The following MAPK8IP3 variants were observed in gnomAD, a reference collection of about 807,000 sequenced individuals.
The protein encoded by MAPK8IP3 is mitogen-activated protein kinase 8 interacting protein 3.
In MAPK8IP3, 49 loss-of-function variants were observed where a neutral mutation model predicts 157.8. That is an observed-to-expected ratio of 0.31 (90% confidence interval 0.25 to 0.39). The LOEUF is 0.39. Ranked by LOEUF, MAPK8IP3 falls within the 10% of genes least tolerant of loss-of-function variation. MAPK8IP3 has a pLI of 1.00. For synonymous variants in MAPK8IP3, 897 were observed against 777.7 expected, an observed-to-expected ratio of 1.15 and a Z score of -2.55; for missense variants, 1,478 against 1,889.4, an observed-to-expected ratio of 0.78 and a Z score of 4.04.
intron 4 of MAPK8IP3, among the ~76,000 whole-genome samples, chr16:1,736,984 G>A (rs1462126534): frequency 1.3e-5 from 1 of 76,616 alleles, no homozygotes; most frequent in Non-Finnish European, 2.5e-5. Context: ...GTCCGTGTGA[G>A]CATCCGTGTG....
chr16:1,738,019 CGT>C (rs1276259459), intron 4 of MAPK8IP3, among the ~76,000 whole-genome samples: 1 of 63,926 alleles, frequency 1.6e-5, no homozygotes, highest in Non-Finnish European at 2.8e-5. Context: ...TGTGACCGTC[CGT>C]GTGAGCATCC....
In MAPK8IP3 at chr16:1,751,782, C is replaced by T. The variant is rs138162466; in HGVS notation, c.1216+3062C>T. The T allele has an allele frequency of 2.0e-5, 3 of 152,228 alleles. No individual in the cohort carries two copies. The highest frequency in any genetic ancestry group is 2.9e-5 in the Non-Finnish European group (2 of 68,054). The allele number at this position is 152,228 out of a possible 1,614,324, so 9.4% of individuals were successfully genotyped here. ...CTCTGTCTCTGTAGATTTGCCTGTT[C>T]CAGACGTTTCACAGCAATGGGCCTT... On this transcript the variant is annotated intron_variant, in intron 8 of 31. Coordinates refer to ENST00000610761, the MANE Select transcript of MAPK8IP3 (RefSeq NM_001318852.2). This position sits in a 1 kb window ranked among gnomAD's most constrained non-coding sequence, Gnocchi z 5.0.
chr16:1,718,051 C>T (rs2038271153), intron 1 of MAPK8IP3, among the ~76,000 whole-genome samples: 2 of 151,858 alleles, frequency 1.3e-5, no homozygotes, highest in Admixed American at 6.6e-5. Context: ...GATGGGGTTT[C>T]ACCTTGTTAG....
intron 4 of MAPK8IP3, among the ~76,000 whole-genome samples, chr16:1,729,946 T>C (rs1375645559): frequency 6.7e-6 from 1 of 148,174 alleles, no homozygotes; most frequent in Non-Finnish European, 1.5e-5. Context: ...CAGTGACTTA[T>C]GCCTGTAATC....
At chr16:1,738,784 C>T (rs1452952335) in intron 4 of MAPK8IP3, among the ~76,000 whole-genome samples, 31 of 119,116 alleles carry the variant, frequency 2.6e-4, no homozygotes, top group African/African-American at 9.7e-4. Context: ...AGCGTGTGAG[C>T]GTCCGTGTGA....
At chr16:1,739,398 G>T (rs2040446357) in intron 4 of MAPK8IP3, among the ~76,000 whole-genome samples, 1 of 147,530 alleles carries the variant, frequency 6.8e-6, no homozygotes, top group South Asian at 2.2e-4. Context: ...GCATCCGTGT[G>T]ACCGTCCATG....
intron 9 of MAPK8IP3, 76 bp downstream of exon 9, chr16:1,758,235 ATCCCG>A: frequency 1.3e-6 from 2 of 1,561,350 alleles, no homozygotes; most frequent in Non-Finnish European, 1.8e-6. Flanking sequence ...GCCCCGAGCT[ATCCCG>A]TCACCGTGGC....
chr16:1,740,726 C>A (rs758284682), intron 4 of MAPK8IP3, among the ~76,000 whole-genome samples: 2 of 152,234 alleles, frequency 1.3e-5, no homozygotes, highest in South Asian at 2.1e-4. Context: ...AAGGTAAAAC[C>A]CAAGAGGTGT....
intron 1 of MAPK8IP3, among the ~76,000 whole-genome samples, chr16:1,716,575 G>A (rs1432389554): frequency 2.0e-5 from 3 of 152,034 alleles, no homozygotes; most frequent in African/African-American, 7.2e-5. Flanking sequence ...GATTACAGGA[G>A]TAAGCCACTG....
chr16:1,719,668 CAAAA>C (rs58680997), intron 1 of MAPK8IP3, among the ~76,000 whole-genome samples: 1 of 51,124 alleles, frequency 2.0e-5, no homozygotes, highest in African/African-American at 5.9e-5. Flanking sequence ...CCCATCTCTA[CAAAA>C]AAAAAAAAAA....
At chr16:1,727,536 C>T (rs975123784) in intron 2 of MAPK8IP3, among the ~76,000 whole-genome samples, 3 of 151,394 alleles carry the variant, frequency 2.0e-5, no homozygotes, top group African/African-American at 7.3e-5. Context: ...CTAAGTCGTG[C>T]GTGTGAGGTG....
intron 4 of MAPK8IP3, among the ~76,000 whole-genome samples, chr16:1,735,828 C>T (rs951990545): frequency 1.5e-5 from 2 of 131,948 alleles, no homozygotes; most frequent in African/African-American, 5.9e-5. Flanking sequence ...TGTGACCGTC[C>T]GTGTGAGAGC....
chr16:1,729,290 T>A, intron 3 of MAPK8IP3, 82 bp downstream of exon 3: 1 of 1,495,114 alleles, frequency 6.7e-7, no homozygotes, highest in East Asian at 2.3e-5. Context: ...CGGACCGTGG[T>A]TTTCTTCCCT....
chr16:1,760,507 A>T lies in MAPK8IP3; in HGVS notation c.1432A>T (p.Lys478Ter). 6.2e-7 allele frequency: 1 copy of T among 1,613,546 alleles called. No homozygotes were observed. Among genetic ancestry groups the T allele is most frequent in the Non-Finnish European group, 8.5e-7 (1 of 1,179,626 alleles). Reference protein sequence around the residue: ...QAKVKLENRIKELEEELKRVK... With the variant: ...QAKVKLENRI ...CAAAGTCAAGCTGGAAAACCGTATC[A>T]AGGAGCTGGAAGAGGAACTGAAAAG... The change falls in exon 12 of 32, where the codon AAG becomes TAG. Residue 478 changes from lysine (K) to a stop codon, truncating the protein, a stop_gained. Transcript: ENST00000610761. LOFTEE classifies it high-confidence loss of function.
At chr16:1,732,266 C>T (rs1266451028) in intron 4 of MAPK8IP3, among the ~76,000 whole-genome samples, 2 of 152,320 alleles carry the variant, frequency 1.3e-5, no homozygotes, top group Non-Finnish European at 2.9e-5. Flanking sequence ...TGCCCCCAAG[C>T]CTCCCACAGC....
At chr16:1,756,692 T>C in intron 8 of MAPK8IP3, among the ~76,000 whole-genome samples, 1 of 151,202 alleles carries the variant, frequency 6.6e-6, no homozygotes. Flanking sequence ...CGTGGTGGCA[T>C]GTACCTGTAG....
intron 2 of MAPK8IP3, among the ~76,000 whole-genome samples, chr16:1,728,814 A>G (rs1016858835): frequency 4.3e-5 from 6 of 140,012 alleles, no homozygotes; most frequent in African/African-American, 1.5e-4. Flanking sequence ...AGCCCCCCAG[A>G]CGGCTTTAAC....
At chr16:1,758,035 C>A in intron 8 of MAPK8IP3, 113 bp from the exon 9 acceptor site, 1 of 1,072,314 alleles carries the variant, frequency 9.3e-7, no homozygotes, top group Non-Finnish European at 1.4e-6. Context: ...AACATGGGAG[C>A]AGCCGAATCA....
At chr16:1,721,538 G>T (rs2038522320) in intron 1 of MAPK8IP3, among the ~76,000 whole-genome samples, 2 of 152,094 alleles carry the variant, frequency 1.3e-5, no homozygotes, top group Non-Finnish European at 2.9e-5. Context: ...GGTCACTGCA[G>T]CACCGACCTC....
Sources: gnomAD v4.1 joint callset for allele counts (sites outside exome capture counted in the v4.1 genomes callset) on GRCh38, gnomAD v4.1.1 for gene constraint, Gnocchi (gnomAD v3.1) non-coding constraint, MANE v1.5 for transcripts, NCBI Gene and HGNC (gene_info 2026-07-23, HGNC 2026-07-21) for gene names.